ADCY2: variants seen among roughly 807,000 people sequenced by gnomAD.
ADCY2 encodes adenylate cyclase 2, also known as adenylate cyclase type 2.
Under a neutral mutation model 125.2 loss-of-function variants are expected in ADCY2, and 31 were observed. The observed-to-expected ratio is 0.25, with a 90% CI of 0.19 to 0.33. ADCY2 has a LOEUF of 0.33. ADCY2 is among the 10% of genes least tolerant of loss of function. ADCY2 has a pLI of 1.00. For missense variants in ADCY2, 904 were observed against 1,418.2 expected, an observed-to-expected ratio of 0.64 and a Z score of 5.82; for synonymous variants, 512 against 548.4, an observed-to-expected ratio of 0.93 and a Z score of 0.93.
chr5:7,614,793 G>T (rs1171308367), intron 3 of ADCY2, among the ~76,000 whole-genome samples: 1 of 152,226 alleles, frequency 6.6e-6, no homozygotes, highest in African/African-American at 2.4e-5. Context: ...ACACAGGTTT[G>T]CAGTGACTGC....
intron 20 of ADCY2, among the ~76,000 whole-genome samples, chr5:7,792,423 A>C (rs866372706): frequency 6.6e-6 from 1 of 151,952 alleles, no homozygotes; most frequent in South Asian, 2.1e-4. Context: ...TTTTTAAAAG[A>C]ATTTGGGAGC....
intron 1 of ADCY2, among the ~76,000 whole-genome samples, chr5:7,407,293 CAT>C (rs954708653): frequency 6.6e-6 from 1 of 152,260 alleles, no homozygotes; most frequent in South Asian, 2.1e-4. Context: ...TGAAGACAAA[CAT>C]GTTGTATTAG....
At position 7,743,747 on chromosome 5, in the gene ADCY2, C is replaced by T; in HGVS notation, c.1951C>T (p.Leu651Phe). 6.2e-7 allele frequency: 1 copy of T among 1,613,908 alleles called. No individual in the cohort carries two copies. Among genetic ancestry groups the T allele is most frequent in the Non-Finnish European group, 8.5e-7 (1 of 1,179,862 alleles). ...FILFVCFAGQ[L>F]LQCSKKASPL... The stretch of plus-strand genomic sequence containing the variant: ...CCTCTTCGTCTGCTTTGCTGGACAG[C>T]TTCTGGTAGGTATTCAAATGTGGCG... Residue 651 changes from leucine (L) to phenylalanine (F), a missense_variant, in exon 15 of 25, where the codon CTT (leucine) becomes TTT (phenylalanine). This residue lies in a region of ADCY2 where 221 missense variants were observed against 246.2 expected (regional missense o/e 0.90). Coordinates refer to ENST00000338316, the MANE Select transcript of ADCY2 (RefSeq NM_020546.3).
intron 22 of ADCY2, among the ~76,000 whole-genome samples, chr5:7,809,228 A>T (rs963325190): frequency 6.6e-6 from 1 of 152,228 alleles, no homozygotes; most frequent in Non-Finnish European, 1.5e-5. Context: ...TATGATATGT[A>T]GTCATATCCA....
At chr5:7,402,260 GA>G (rs921849696) in intron 1 of ADCY2, among the ~76,000 whole-genome samples, 12 of 152,224 alleles carry the variant, frequency 7.9e-5, no homozygotes, top group African/African-American at 2.7e-4. Context: ...TGGGAGGACA[GA>G]AAAGGATTAA....
chr5:7,436,910 C>T (rs191139763), intron 2 of ADCY2, among the ~76,000 whole-genome samples: 145 of 152,246 alleles, frequency 9.5e-4, no homozygotes, highest in African/African-American at 3.1e-3. Flanking sequence ...TTGTTGGAGC[C>T]GAGCCACCTT....
intron 4 of ADCY2, among the ~76,000 whole-genome samples, chr5:7,628,968 A>G (rs1383343298): frequency 1.3e-5 from 2 of 152,214 alleles, no homozygotes; most frequent in African/African-American, 4.8e-5. Flanking sequence ...GATCAAATTC[A>G]GGTTTGGGTT....
At position 7,789,794 on chromosome 5, in the gene ADCY2, G is replaced by T; in HGVS notation, c.2622G>T (p.Lys874Asn). ...AGCACTTCCTGGCCAGGAGCCTGAA[G>T]AATGAGGTCAGACCAGGGGGGCTGG... Reference protein sequence around the residue: ...VAEHFLARSLKNEELYHQSYD... With the variant: ...VAEHFLARSLNNEELYHQSYD... The change falls in exon 20 of 25, where the codon AAG becomes AAT. Residue 874 changes from lysine to asparagine, a missense_variant. Transcript: ENST00000338316. The T allele has an allele frequency of 2.5e-6, 3 of 1,218,916 alleles. No homozygotes were observed. The South Asian group carries it at 3.6e-5, about 15-fold the overall frequency. 75.5% of individuals were successfully genotyped at this position (1,218,916 alleles called of 1,614,324 possible). A position where few individuals can be genotyped will look rare whatever the true frequency, so the allele number is the denominator to read the frequency against.
intron 22 of ADCY2, among the ~76,000 whole-genome samples, chr5:7,814,304 T>A (rs1047166978): frequency 7.9e-5 from 12 of 152,296 alleles, no homozygotes; most frequent in Middle Eastern, 3.4e-3. Flanking sequence ...TACTGTTTAG[T>A]GCAGTGATTC....
intron 3 of ADCY2, among the ~76,000 whole-genome samples, chr5:7,620,542 G>T (rs1304403742): frequency 6.6e-6 from 1 of 152,196 alleles, no homozygotes; most frequent in African/African-American, 2.4e-5. Flanking sequence ...CAGAAACCCT[G>T]AGGCCACCGC....
Position 7,695,762 on chromosome 5 carries a change from G to A in ADCY2, c.880G>A (p.Ala294Thr), listed in dbSNP as rs370821588. ...CCTTTCTTCCCACAGCATCTTATAC[G>A]CTGACATCGTTGGCTTTACCCGGCT... ...KRHTNVSILY[A>T]DIVGFTRLAS... The change falls in exon 6 of 25, where the codon GCT (alanine) becomes ACT (threonine). Residue 294 changes from alanine (A) to threonine (T), a missense_variant. By Grantham distance (58) the Ala-to-Thr change is moderately conservative (BLOSUM62 0). Transcript: ENST00000338316. The A allele has an allele frequency of 1.9e-6, 3 of 1,610,616 alleles. No homozygotes were observed. Among genetic ancestry groups the A allele is most frequent in the Non-Finnish European group, 2.5e-6 (3 of 1,178,072 alleles).
intron 4 of ADCY2, among the ~76,000 whole-genome samples, chr5:7,640,189 G>C (rs563580012): frequency 6.6e-6 from 1 of 152,238 alleles, no homozygotes; most frequent in South Asian, 2.1e-4. Flanking sequence ...TATTATTCCA[G>C]ATTTCCGCTG....
chr5:7,396,646 C>CAGCCCCTCGGCCCGCGGA lies in ADCY2; in HGVS notation c.210+140_210+141insAGCCCCTCGGCCCGCGGA, dbSNP rs1362684046. On this transcript the variant is annotated intron_variant, in intron 1 of 24. Coordinates refer to ENST00000338316, the MANE Select transcript of ADCY2 (RefSeq NM_020546.3). The surrounding 1 kb of genome is among the most constrained non-coding windows in gnomAD (Gnocchi z 5.7). ...CCCGCGGCAGCCCCTCGGCCCGCGG[C>CAGCCCCTCGGCCCGCGGA]TCCCTGCTTCTCCTGCTGGCCCGCG... 3.3e-3 allele frequency: 1,535 copies of CAGCCCCTCGGCCCGCGGA among 468,398 alleles called. 31 individuals carry two copies. Among genetic ancestry groups the CAGCCCCTCGGCCCGCGGA allele is most frequent in the African/African-American group, 0.031 (1,459 of 46,950 alleles). 29.0% of individuals were successfully genotyped at this position (468,398 alleles called of 1,614,324 possible). A position where few individuals can be genotyped will look rare whatever the true frequency, so the allele number is the denominator to read the frequency against.
intron 11 of ADCY2, among the ~76,000 whole-genome samples, chr5:7,714,187 C>T (rs1205486207): frequency 6.6e-6 from 1 of 152,206 alleles, no homozygotes; most frequent in Non-Finnish European, 1.5e-5. Context: ...GCCCATAAGA[C>T]ACCTGGAGAC....
chr5:7,789,831 G>T (rs1392770310), intron 20 of ADCY2, 31 bp downstream of exon 20: 1 of 1,450,778 alleles, frequency 6.9e-7, no homozygotes. Flanking sequence ...GGCTGGGGGA[G>T]GGGGCTGGAT....
rs367926163 is a variant in ADCY2 at position 7,683,016 on chromosome 5, G to A, written c.721-7675G>A. 8.5e-5 allele frequency among the ~76,000 whole-genome samples: 13 copies of A among 152,282 alleles called. No homozygotes were observed. In the East Asian group the frequency reaches 1.4e-3, roughly 16 times the overall value. ...CCCTGTACTCGGTGGGATCATTCCT[G>A]CTCTGTGTAATTCTGACACCACTGA... On this transcript the variant is annotated intron_variant, in intron 4 of 24. Transcript: ENST00000338316.
intron 4 of ADCY2, among the ~76,000 whole-genome samples, chr5:7,668,857 A>G (rs1435843235): frequency 6.6e-6 from 1 of 152,192 alleles, no homozygotes; most frequent in East Asian, 1.9e-4. Context: ...TTGCTCAACA[A>G]CTTGTTCAGT....
intron 2 of ADCY2, among the ~76,000 whole-genome samples, chr5:7,497,137 A>G (rs1267945519): frequency 1.3e-5 from 2 of 152,212 alleles, no homozygotes; most frequent in Non-Finnish European, 2.9e-5. Flanking sequence ...AAAGTATCAA[A>G]TTTCCCATCT....
intron 2 of ADCY2, among the ~76,000 whole-genome samples, chr5:7,515,202 C>T (rs531703350): frequency 9.9e-4 from 150 of 152,198 alleles, no homozygotes; most frequent in Non-Finnish European, 1.4e-3. Flanking sequence ...GCACACTCAC[C>T]CAGGGGGTTA....
Sources: allele counts gnomAD v4.1 joint callset (sites outside exome capture counted in the v4.1 genomes callset), GRCh38; gene constraint gnomAD v4.1.1; regional missense constraint gnomAD v4.1.1; non-coding constraint Gnocchi (gnomAD v3.1); transcripts MANE v1.5; gene names NCBI Gene and HGNC (gene_info 2026-07-23, HGNC 2026-07-21).